The following LGR6 variants were observed in gnomAD, a reference collection of about 807,000 sequenced individuals.
The protein encoded by LGR6 is leucine-rich repeat-containing G protein-coupled receptor 6.
Under a neutral mutation model 69.4 loss-of-function variants are expected in LGR6, and 45 were observed. The ratio of observed to expected loss-of-function variants is 0.65; its 90% CI spans 0.51 to 0.83. LGR6 has a LOEUF of 0.83. LGR6 is among the 40% of genes least tolerant of loss of function. The probability of loss-of-function intolerance (pLI) is 0.00; values close to 1 mark genes in which losing one functional copy is unlikely to be tolerated. For synonymous variants in LGR6, 538 were observed against 555.0 expected (o/e 0.97, Z 0.43); for missense variants, 1,108 against 1,246.7 (o/e 0.89, Z 1.68).
At chr1:202,273,096 G>C (rs1446783751) in intron 4 of LGR6, among the ~76,000 whole-genome samples, 1 of 152,208 alleles carries the variant, frequency 6.6e-6, no homozygotes, top group Non-Finnish European at 1.5e-5. Flanking sequence ...ACTAGTTGTG[G>C]GGCCTTGGGG....
At chr1:202,270,354 T>G (rs892163639) in intron 4 of LGR6, among the ~76,000 whole-genome samples, 4 of 151,948 alleles carry the variant, frequency 2.6e-5, no homozygotes, top group Non-Finnish European at 5.9e-5. Context: ...GTGATTCTCC[T>G]ACCGCAGCCT....
chr1:202,220,965 A>G (rs1414832437), intron 1 of LGR6, among the ~76,000 whole-genome samples: 1 of 152,220 alleles, frequency 6.6e-6, no homozygotes, highest in African/African-American at 2.4e-5. Context: ...ATGTATACAG[A>G]GATTAGATCA....
chr1:202,247,269 G>GCAGAACCT (rs112701298), intron 4 of LGR6, among the ~76,000 whole-genome samples: 10,715 of 152,248 alleles, frequency 0.07, 759 homozygotes, highest in African/African-American at 0.17. Flanking sequence ...GAGTATAAGT[G>GCAGAACCT]CAGACCTGCT....
chr1:202,288,376 G>A (rs144844549), intron 6 of LGR6, among the ~76,000 whole-genome samples: 12 of 152,138 alleles, frequency 7.9e-5, no homozygotes, highest in African/African-American at 2.4e-4. Context: ...GCCCCTTACC[G>A]CTCCATGAGT....
intron 1 of LGR6, among the ~76,000 whole-genome samples, chr1:202,221,844 T>C (rs567204607): frequency 2.4e-4 from 36 of 152,338 alleles, no homozygotes; most frequent in African/African-American, 7.7e-4. Context: ...TTATTTCCCC[T>C]GGGTCCAGGC....
At chr1:202,280,689 C>T (rs1442897917) in intron 5 of LGR6, 92 bp from the exon 6 acceptor site, 2 of 1,111,004 alleles carry the variant, frequency 1.8e-6, no homozygotes, top group Non-Finnish European at 2.8e-6. Context: ...CATGCTTCTG[C>T]CTACACTTTC....
chr1:202,239,974 G>T (rs1662033949), intron 4 of LGR6, among the ~76,000 whole-genome samples: 1 of 152,172 alleles, frequency 6.6e-6, no homozygotes, highest in Non-Finnish European at 1.5e-5. Context: ...ATGCTGACTG[G>T]ATGTGGGAGC....
chr1:202,274,547 G>A (rs1227957394), intron 4 of LGR6, among the ~76,000 whole-genome samples: 2 of 152,206 alleles, frequency 1.3e-5, no homozygotes, highest in Non-Finnish European at 2.9e-5. Context: ...GGAAAACCTA[G>A]CTCAGTGCTT....
chr1:202,308,900 G>T, intron 14 of LGR6, 151 bp from the exon 15 acceptor site: 1 of 888,304 alleles, frequency 1.1e-6, no homozygotes. Context: ...CTCCTCCCTC[G>T]GCATTCAATG....
chr1:202,236,560 C>T (rs1470888206), intron 4 of LGR6, among the ~76,000 whole-genome samples: 2 of 152,192 alleles, frequency 1.3e-5, no homozygotes, highest in Non-Finnish European at 2.9e-5. Flanking sequence ...CCAGACCCAG[C>T]CTGAGGGTGG....
intron 16 of LGR6, among the ~76,000 whole-genome samples, chr1:202,311,278 T>C (rs1653699434): frequency 1.3e-5 from 2 of 152,054 alleles, no homozygotes; most frequent in African/African-American, 4.8e-5. Flanking sequence ...AAAACTGAGG[T>C]CCAATCCCAA....
chr1:202,242,654 G>A (rs1338062050), intron 4 of LGR6, among the ~76,000 whole-genome samples: 1 of 152,172 alleles, frequency 6.6e-6, no homozygotes, highest in Admixed American at 6.5e-5. Flanking sequence ...CCAGTCTCCT[G>A]GGAATGCTGT....
intron 4 of LGR6, among the ~76,000 whole-genome samples, chr1:202,269,148 C>T (rs184792354): frequency 7.2e-5 from 11 of 152,286 alleles, no homozygotes; most frequent in Non-Finnish European, 1.6e-4. Flanking sequence ...TCAAGCAATC[C>T]TCCCGCCTGA....
chr1:202,218,587 G>T (rs1659938899), intron 1 of LGR6, among the ~76,000 whole-genome samples: 1 of 152,184 alleles, frequency 6.6e-6, no homozygotes, highest in African/African-American at 2.4e-5. Flanking sequence ...GAAGCAAAAA[G>T]CTCTGCAGCG....
chr1:202,275,462 A>G (rs894909516), intron 4 of LGR6, among the ~76,000 whole-genome samples: 9 of 152,162 alleles, frequency 5.9e-5, no homozygotes, highest in Admixed American at 1.3e-4. Context: ...AAGATCTTCT[A>G]GGGCTCCCAT....
chr1:202,241,305 A>G (rs886973202), intron 4 of LGR6, among the ~76,000 whole-genome samples: 2 of 152,150 alleles, frequency 1.3e-5, no homozygotes, highest in African/African-American at 4.8e-5. Context: ...ACATTCCTGG[A>G]GCCTCAGGGA....
chr1:202,318,856 A>G lies in LGR6; in HGVS notation c.2553A>G (p.Leu851=). The G allele has an allele frequency of 6.2e-7, 1 of 1,613,682 alleles. No homozygotes were observed. Among genetic ancestry groups the G allele is most frequent in the Non-Finnish European group, 8.5e-7 (1 of 1,179,846 alleles). Residue 851 remains leucine, a synonymous_variant, in exon 18 of 18, where the codon CTA becomes CTG. Transcript: ENST00000367278. Reference sequence around the variant, plus strand: ...CCCGCGCAGGGGACTCAGGGCCCCTAGCCTATGCTGCGGCCGGGGAGCTGG... The same window carrying G: ...CCCGCGCAGGGGACTCAGGGCCCCTGGCCTATGCTGCGGCCGGGGAGCTGG... ...LRPRAGDSGP[L]AYAAAGELEK... is the part of the protein sequence containing the mutation.
chr1:202,280,186 G>A (rs373979265), intron 5 of LGR6, among the ~76,000 whole-genome samples: 6 of 151,858 alleles, frequency 4.0e-5, no homozygotes, highest in Non-Finnish European at 7.4e-5. Context: ...GTCCCCCTTT[G>A]CCTGGAATGC....
chr1:202,205,067 TAA>T (rs1659086283), intron 1 of LGR6, among the ~76,000 whole-genome samples: 1 of 111,506 alleles, frequency 9.0e-6, no homozygotes, highest in African/African-American at 3.6e-5. Context: ...CACACACACC[TAA>T]CACACACCTC....
Sources: gnomAD v4.1 joint callset for allele counts (sites outside exome capture counted in the v4.1 genomes callset) on GRCh38, gnomAD v4.1.1 for gene constraint, MANE v1.5 for transcripts, NCBI Gene and HGNC (gene_info 2026-07-23, HGNC 2026-07-21) for gene names.